MLLT3: variants seen among roughly 807,000 people sequenced by gnomAD.
MLLT3 encodes protein AF-9.
Under a neutral mutation model 53.2 loss-of-function variants are expected in MLLT3, and 4 were observed. That is an observed-to-expected ratio of 0.08 (90% CI 0.04 to 0.17). MLLT3 has a LOEUF of 0.17. Ranked by LOEUF, MLLT3 falls within the 10% of genes least tolerant of loss-of-function variation. The pLI, the probability that MLLT3 is intolerant of heterozygous loss-of-function variation, is 1.00. For synonymous variants in MLLT3, 283 were observed against 230.6 expected (o/e 1.23, Z -2.06); for missense variants, 569 against 684.0 (o/e 0.83, Z 1.87).
At chr9:20,496,430 C>T (rs1029859045) in intron 2 of MLLT3, among the ~76,000 whole-genome samples, 1 of 152,092 alleles carries the variant, frequency 6.6e-6, no homozygotes, top group African/African-American at 2.4e-5. Context: ...CTGGACTAAC[C>T]TTCACTCCAT....
chr9:20,360,920 G>A, intron 7 of MLLT3, 79 bp from the exon 8 acceptor site: 1 of 1,252,200 alleles, frequency 8.0e-7, no homozygotes, highest in South Asian at 1.2e-5. Flanking sequence ...GGCGTGGAAA[G>A]CACAGAATCC....
At position 20,345,049 on chromosome 9, in the gene MLLT3, C is replaced by T. The variant is rs374966804; in HGVS notation, c.*1394G>A. On this transcript the variant is annotated 3_prime_UTR_variant, in exon 11 of 11. Transcript: ENST00000380338. ...TTATGGAGAAGATGGAATAATGACACCAAAAGTACTTTGGTTTTTTTCTTT... is the reference window on the plus strand; with the variant it reads ...TTATGGAGAAGATGGAATAATGACATCAAAAGTACTTTGGTTTTTTTCTTT... The T allele has an allele frequency of 2.3e-5, 5 of 216,716 alleles. No homozygotes were observed. The highest frequency in any genetic ancestry group is 9.0e-5 in the African/African-American group (4 of 44,620). 13.4% of individuals were successfully genotyped at this position (216,716 alleles called of 1,614,324 possible). A position where few individuals can be genotyped will look rare whatever the true frequency, so the allele number is the denominator to read the frequency against.
At chr9:20,482,339 T>C (rs748226628) in intron 2 of MLLT3, among the ~76,000 whole-genome samples, 1 of 152,242 alleles carries the variant, frequency 6.6e-6, no homozygotes, top group Admixed American at 6.5e-5. Context: ...ATTTTTCTTC[T>C]GTTCTGCTTC....
At chr9:20,415,657 T>C (rs1180598641) in intron 4 of MLLT3, among the ~76,000 whole-genome samples, 2 of 152,102 alleles carry the variant, frequency 1.3e-5, no homozygotes, top group Non-Finnish European at 2.9e-5. Flanking sequence ...GCCAATGATA[T>C]GTAAACCAAT....
intron 5 of MLLT3, among the ~76,000 whole-genome samples, chr9:20,368,676 G>T (rs1821517998): frequency 6.6e-6 from 1 of 152,072 alleles, no homozygotes; most frequent in Admixed American, 6.5e-5. Flanking sequence ...TTCCACAGTT[G>T]CTGATCACCA....
chr9:20,580,926 A>G (rs1819776745), intron 2 of MLLT3, among the ~76,000 whole-genome samples: 1 of 152,204 alleles, frequency 6.6e-6, no homozygotes, highest in Non-Finnish European at 1.5e-5. Flanking sequence ...CTGTCAACAT[A>G]TTTTGTTTTT....
At chr9:20,487,037 T>A (rs1033589229) in intron 2 of MLLT3, among the ~76,000 whole-genome samples, 1 of 152,132 alleles carries the variant, frequency 6.6e-6, no homozygotes. Flanking sequence ...GATAACAAAA[T>A]GCAATTATTA....
chr9:20,530,994 TAATTC>T (rs1414837738), intron 2 of MLLT3, among the ~76,000 whole-genome samples: 12 of 152,180 alleles, frequency 7.9e-5, no homozygotes, highest in South Asian at 6.2e-4. Flanking sequence ...TAACCTAATT[TAATTC>T]ATCTACTTAT....
intron 2 of MLLT3, among the ~76,000 whole-genome samples, chr9:20,457,729 C>T (rs1586963344): frequency 6.6e-6 from 1 of 152,162 alleles, no homozygotes; most frequent in South Asian, 2.1e-4. Context: ...AACAATAAGG[C>T]TTTTATTTCT....
At position 20,599,160 on chromosome 9, in the gene MLLT3, T is replaced by A. The variant is rs139793572; in HGVS notation, c.193+21494A>T. ...CTCTACTAAAAATACAAAAATTAGC[T>A]GGGCATGGTGGCACGCGCCTGCAGT... On this transcript the variant is annotated intron_variant, in intron 2 of 10. Transcript: ENST00000380338. Among the ~76,000 whole-genome samples the A allele has an allele frequency of 9.9e-3, 1,509 of 152,080 alleles. 62 individuals carry two copies. The East Asian group carries it at 0.14, about 14-fold the overall frequency.
At chr9:20,498,884 G>C (rs1169804970) in intron 2 of MLLT3, among the ~76,000 whole-genome samples, 1 of 152,160 alleles carries the variant, frequency 6.6e-6, no homozygotes, top group Non-Finnish European at 1.5e-5. Context: ...TACTGCCTTA[G>C]TATTAGTGTA....
chr9:20,420,229 A>T (rs1002295195), intron 4 of MLLT3, among the ~76,000 whole-genome samples: 1 of 152,244 alleles, frequency 6.6e-6, no homozygotes, highest in Non-Finnish European at 1.5e-5. Flanking sequence ...AATAATGAAC[A>T]AGGTGAAAAG....
At chr9:20,552,694 A>T (rs1818953721) in intron 2 of MLLT3, among the ~76,000 whole-genome samples, 1 of 152,198 alleles carries the variant, frequency 6.6e-6, no homozygotes, top group African/African-American at 2.4e-5. Flanking sequence ...CAAGTAATAC[A>T]TTCATGTTTT....
At chr9:20,611,654 T>TA (rs1447662427) in intron 2 of MLLT3, among the ~76,000 whole-genome samples, 5 of 152,026 alleles carry the variant, frequency 3.3e-5, no homozygotes, top group East Asian at 3.9e-4. Flanking sequence ...TTTTCTTTAA[T>TA]AAAAAAAATG....
intron 2 of MLLT3, among the ~76,000 whole-genome samples, chr9:20,541,658 G>A (rs1322142878): frequency 6.6e-6 from 1 of 152,172 alleles, no homozygotes; most frequent in Admixed American, 6.5e-5. Context: ...CCCCTGACAT[G>A]TGGGAATTAC....
intron 2 of MLLT3, among the ~76,000 whole-genome samples, chr9:20,615,066 GGGCA>G (rs1563844958): frequency 1.3e-5 from 2 of 152,196 alleles, no homozygotes; most frequent in Middle Eastern, 3.4e-3. Context: ...GTGATAGGCC[GGGCA>G]CAATGGCTCA....
chr9:20,347,100 A>T (rs1473641712), intron 10 of MLLT3, among the ~76,000 whole-genome samples: 1 of 150,600 alleles, frequency 6.6e-6, no homozygotes, highest in Non-Finnish European at 1.5e-5. Flanking sequence ...AAAAAAAGGA[A>T]AAGAAAGAAA....
chr9:20,548,928 C>G (rs1563812545), intron 2 of MLLT3, among the ~76,000 whole-genome samples: 1 of 151,976 alleles, frequency 6.6e-6, no homozygotes, highest in Admixed American at 6.6e-5. Flanking sequence ...GATCCTCCCA[C>G]TTTTGCCTCC....
At chr9:20,521,826 G>C (rs1818068817) in intron 2 of MLLT3, among the ~76,000 whole-genome samples, 1 of 152,036 alleles carries the variant, frequency 6.6e-6, no homozygotes, top group Non-Finnish European at 1.5e-5. Context: ...CTCATTAATT[G>C]CTGAAAAAAT....
Sources: gnomAD v4.1 joint callset for allele counts (sites outside exome capture counted in the v4.1 genomes callset) on GRCh38, gnomAD v4.1.1 for gene constraint, MANE v1.5 for transcripts, NCBI Gene and HGNC (gene_info 2026-07-23, HGNC 2026-07-21) for gene names.